GP6: variants seen among roughly 807,000 people sequenced by gnomAD.
GP6 encodes glycoprotein VI platelet, also known as platelet glycoprotein VI.
A neutral mutation model predicts 37.3 loss-of-function variants in GP6; 45 were observed. The observed-to-expected ratio is 1.21, with a 90% confidence interval of 0.95 to 1.55. The LOEUF is 1.55. Among genes scored for constraint, GP6 ranks in the 40% most tolerant of loss-of-function variants. The probability of loss-of-function intolerance (pLI) is 0.00; values close to 1 mark genes in which losing one functional copy is unlikely to be tolerated. For missense variants in GP6, 813 were observed against 760.2 expected (o/e 1.07, Z -0.82); for synonymous variants, 340 against 316.4 (o/e 1.07, Z -0.79).
chr19:55,017,896 C>T (rs1412304314), intron 6 of GP6, among the ~76,000 whole-genome samples: 2 of 82,772 alleles, frequency 2.4e-5, no homozygotes, highest in South Asian at 3.9e-4. Context: ...TGCTGAAACC[C>T]CGTCTCTACT....
chr19:55,015,065 G>T lies in GP6; in HGVS notation c.880C>A (p.Gln294Lys), dbSNP rs762049176. The T allele has an allele frequency of 6.2e-7, 1 of 1,606,134 alleles. No homozygotes were observed. The highest frequency in any genetic ancestry group is 1.3e-5 in the African/African-American group (1 of 74,860). The change falls in exon 8 of 8, where the codon CAG (glutamine) becomes AAG (lysine). Residue 294 changes from glutamine to lysine, a missense_variant. Gln to Lys is a moderately conservative substitution (Grantham distance 53). Transcript: ENST00000310373. ...TGTGCCGCAGGCGCTTCCTCCGGCT[G>T]TGCCAGTCCTCTGCCAGAAACCCCG... is the stretch of plus-strand genomic sequence containing the variant.
intron 3 of GP6, among the ~76,000 whole-genome samples, chr19:55,030,514 A>ATTAT (rs112970456): frequency 6.6e-6 from 1 of 151,396 alleles, no homozygotes; most frequent in African/African-American, 2.4e-5. Flanking sequence ...AATTATTATT[A>ATTAT]TTTTTTTTAG....
chr19:55,030,704 C>T (rs904167994), intron 3 of GP6, among the ~76,000 whole-genome samples: 1 of 151,836 alleles, frequency 6.6e-6, no homozygotes, highest in Non-Finnish European at 1.5e-5. Context: ...TTGCACCAAT[C>T]AAGAGTCTAA....
At chr19:55,020,090 A>G (rs2074022493) in intron 5 of GP6, among the ~76,000 whole-genome samples, 1 of 150,586 alleles carries the variant, frequency 6.6e-6, no homozygotes, top group Non-Finnish European at 1.5e-5. Flanking sequence ...GAGTCTTTTT[A>G]TGGTGGAACC....
In GP6 at chr19:55,033,139, A is replaced by ACGGTGGGTTCGTTCGTGTTAGACG. The variant is rs1568642270; in HGVS notation, c.35-625_35-602dup. Among the ~76,000 whole-genome samples, 21 of 8,062 alleles carry ACGGTGGGTTCGTTCGTGTTAGACG rather than the reference A, an allele frequency of 2.6e-3. 4 individuals carry two copies. The highest frequency in any genetic ancestry group is 3.2e-3 in the African/African-American group (13 of 4,042). The allele number at this position is 8,062 out of a possible 152,430, so 5.3% of individuals were successfully genotyped here. ...CACGGTGGGTTCGTTCGTGTTAGAC[A>ACGGTGGGTTCGTTCGTGTTAGACG]CGGTGGGTTCGTTCGTGTTAGACGC... On this transcript the variant is annotated intron_variant, in intron 1 of 7. Transcript: ENST00000310373.
In GP6 at chr19:55,019,423, G is replaced by C. The variant is rs189284243; in HGVS notation, c.665-712C>G. On this transcript the variant is annotated intron_variant, in intron 5 of 7. Coordinates refer to ENST00000310373, the MANE Select transcript of GP6 (RefSeq NM_001083899.2). ...CCACAGACTGTTTTTCAAAGCAGCT[G>C]CACCATTTTATATTCCCACCAGCAA... 5.3e-3 allele frequency among the ~76,000 whole-genome samples: 812 copies of C among 152,212 alleles called. 8 individuals are homozygous for C. The highest frequency in any genetic ancestry group is 0.018 in the African/African-American group (750 of 41,542).
Position 55,029,244 on chromosome 19 carries a change from ATTTGT to A in GP6, c.326-1387_326-1383del, listed in dbSNP as rs143221654. Among the ~76,000 whole-genome samples the A allele has an allele frequency of 6.5e-3, 850 of 131,040 alleles. 41 individuals carry two copies. The highest frequency in any genetic ancestry group is 0.014 in the African/African-American group (454 of 32,410). The allele number at this position is 131,040 out of a possible 152,430, so 86.0% of individuals were successfully genotyped here. On this transcript the variant is annotated intron_variant, in intron 3 of 7. Transcript: ENST00000310373. ...GTCTGTATTCTTTTTTTGTTGTTTC[ATTTGT>A]TTTGTTTTGTTTTGTTTTGTTTTGA... is the stretch of plus-strand genomic sequence containing the variant.
At chr19:55,024,291 T>TGCACGCACTCACACAC (rs879694712) in intron 5 of GP6, among the ~76,000 whole-genome samples, 1 of 113,348 alleles carries the variant, frequency 8.8e-6, no homozygotes, top group Non-Finnish European at 2.0e-5. Flanking sequence ...CACACACATA[T>TGCACGCACTCACACAC]GCACGCATGC....
chr19:55,020,536 C>A (rs1291666727), intron 5 of GP6, among the ~76,000 whole-genome samples: 1 of 152,136 alleles, frequency 6.6e-6, no homozygotes, highest in Non-Finnish European at 1.5e-5. Context: ...CATGTCCCTG[C>A]AAAGGACATG....
intron 6 of GP6, 97 bp downstream of exon 6, chr19:55,018,555 C>G: frequency 1.2e-6 from 1 of 813,252 alleles, no homozygotes; most frequent in Non-Finnish European, 2.2e-6. Flanking sequence ...ACGGACAGTT[C>G]GGTGAAGTGA....
intron 4 of GP6, among the ~76,000 whole-genome samples, chr19:55,026,470 C>T (rs2074306624): frequency 6.6e-6 from 1 of 152,032 alleles, no homozygotes; most frequent in Non-Finnish European, 1.5e-5. Context: ...ATAATGTCCT[C>T]AAGGTATATC....
At chr19:55,024,291 T>TGCACACACATGCACGCACACACACAC (rs1568612580) in intron 5 of GP6, among the ~76,000 whole-genome samples, 2 of 113,350 alleles carry the variant, frequency 1.8e-5, no homozygotes, top group South Asian at 2.6e-4. Flanking sequence ...CACACACATA[T>TGCACACACATGCACGCACACACACAC]GCACGCATGC....
chr19:55,022,043 A>C lies in GP6; in HGVS notation c.664+3175T>G, dbSNP rs535401726. Among the ~76,000 whole-genome samples, 4 of 150,490 alleles carry C rather than the reference A, an allele frequency of 2.7e-5. No homozygotes were observed. In the East Asian group the frequency reaches 7.8e-4, roughly 29 times the overall value. On this transcript the variant is annotated intron_variant, in intron 5 of 7. Transcript: ENST00000310373. ...TGTTTAACTTCCTTGTAGATTCTGG[A>C]TATTAGACTTTTGTGAATTGATAGA...
chr19:55,028,658 C>T (rs1207831652), intron 3 of GP6, among the ~76,000 whole-genome samples: 2 of 152,134 alleles, frequency 1.3e-5, no homozygotes, highest in Admixed American at 1.3e-4. Flanking sequence ...CAAAGCTGGA[C>T]ATATTTTAAT....
rs766430706 is a variant in GP6 at position 55,027,574 on chromosome 19, C to T, written c.610+4G>A. 7 of 1,611,668 alleles carry T rather than the reference C, an allele frequency of 4.3e-6. No individual in the cohort carries two copies. The highest frequency in any genetic ancestry group is 5.9e-6 in the Non-Finnish European group (7 of 1,178,102). ...AAGAAAGGTTTGGTCTGCACTACCC[C>T]TACCTGTGACCACAAGCTCCAGGGG... is the stretch of plus-strand genomic sequence containing the variant. On this transcript the variant is annotated splice_donor_region_variant and intron_variant, in intron 4 of 7. Coordinates refer to ENST00000310373, the MANE Select transcript of GP6 (RefSeq NM_001083899.2).
At chr19:55,032,656 T>C in intron 1 of GP6, 118 bp from the exon 2 acceptor site, 1 of 1,074,120 alleles carries the variant, frequency 9.3e-7, no homozygotes, top group Non-Finnish European at 1.4e-6. Context: ...AATAATTTCT[T>C]CAAAAGACAC....
intron 2 of GP6, 25 bp downstream of exon 2, chr19:55,032,481 G>T: frequency 6.2e-7 from 1 of 1,613,862 alleles, no homozygotes; most frequent in Non-Finnish European, 8.5e-7. Context: ...CCCGCAGGAG[G>T]GAAGGGGTCT....
intron 1 of GP6, 93 bp downstream of exon 1, chr19:55,038,110 A>T: frequency 9.4e-7 from 1 of 1,067,646 alleles, no homozygotes; most frequent in Non-Finnish European, 1.4e-6. Flanking sequence ...TTTGTCCTGA[A>T]ATTCATCACC....
Position 55,015,148 on chromosome 19 carries a change from A to C in GP6, c.797T>G (p.Leu266Arg). The C allele has an allele frequency of 1.3e-6, 2 of 1,566,798 alleles. No homozygotes were observed. Among genetic ancestry groups the C allele is most frequent in the Non-Finnish European group, 1.7e-6 (2 of 1,155,132 alleles). ...ATCCGGACCAGGTTGCCCTTGGTGT[A>C]GTACTGGCGGGCAGGACCTGGAGGA... The change falls in exon 8 of 8, where the codon CTA becomes CGA. Residue 266 changes from leucine (L) to arginine (R), a missense_variant. Physicochemically the swap from Leu to Arg is moderately radical, Grantham distance 102 (BLOSUM62 -2). Coordinates refer to ENST00000310373, the MANE Select transcript of GP6 (RefSeq NM_001083899.2).
Sources: gnomAD v4.1 joint callset for allele counts (sites outside exome capture counted in the v4.1 genomes callset) on GRCh38, gnomAD v4.1.1 for gene constraint, MANE v1.5 for transcripts, NCBI Gene and HGNC (gene_info 2026-07-23, HGNC 2026-07-21) for gene names.